The following TMEM25 variants were observed in gnomAD, a reference collection of about 807,000 sequenced individuals.
TMEM25 encodes the protein transmembrane protein 25, also known as 0610039J01Rik.
In TMEM25, 36 loss-of-function variants were observed where a neutral mutation model predicts 37.0. The ratio of observed to expected loss-of-function variants is 0.97; its 90% CI spans 0.75 to 1.28. The LOEUF is 1.28. TMEM25 is among the 50% of genes most tolerant of loss of function. The pLI is 0.00. For missense variants in TMEM25, 444 were observed against 477.9 expected, an observed-to-expected ratio of 0.93 and a Z score of 0.66; for synonymous variants, 197 against 203.7, an observed-to-expected ratio of 0.97 and a Z score of 0.28.
At chr11:118,545,326 G>A in intron 8 of TMEM25, 1 of 1,007,316 alleles carries the variant, frequency 9.9e-7, no homozygotes, top group South Asian at 1.4e-5. Context: ...ATCGCTATAG[G>A]ATGCAATCAC....
downstream of TMEM25, among the ~76,000 whole-genome samples, chr11:118,540,173 A>G (rs1193818458): frequency 6.6e-6 from 1 of 151,420 alleles, no homozygotes; most frequent in Non-Finnish European, 1.5e-5. Context: ...GCAGTGGCGC[A>G]ATCTCGGCTC....
At chr11:118,546,302 A>G in exon 9 of TMEM25, 1 of 618,574 alleles carries the variant, frequency 1.6e-6, no homozygotes, top group Non-Finnish European at 2.9e-6. Context: ...GTTCGAGACC[A>G]GCCTGGGCAA....
Position 118,535,139 on chromosome 11 carries a change from C to T in TMEM25, c.*559C>T, listed in dbSNP as rs1951474832. On this transcript the variant is annotated 3_prime_UTR_variant, in exon 9 of 9. Transcript: ENST00000313236. ...CCCAGCGGTACCGGCCAAGCACAAA[C>T]GTCCTTTTTGCTGCACACGTCTCTG... 3 of 1,025,582 alleles carry T rather than the reference C, an allele frequency of 2.9e-6. No homozygotes were observed. The highest frequency in any genetic ancestry group is 1.7e-5 in the African/African-American group (1 of 58,568). 63.5% of individuals were successfully genotyped at this position (1,025,582 alleles called of 1,614,324 possible). A position where few individuals can be genotyped will look rare whatever the true frequency, so the allele number is the denominator to read the frequency against.
chr11:118,542,564 T>C (rs1373785779), intron 8 of TMEM25, among the ~76,000 whole-genome samples: 1 of 151,188 alleles, frequency 6.6e-6, no homozygotes, highest in African/African-American at 2.4e-5. Context: ...AGGCCAGGAG[T>C]TGGAGACCAG....
chr11:118,541,475 A>AGAAAAG (rs1555065357), intron 8 of TMEM25, among the ~76,000 whole-genome samples: 11 of 137,334 alleles, frequency 8.0e-5, no homozygotes, highest in African/African-American at 2.8e-4. Flanking sequence ...AAAAAAAAAA[A>AGAAAAG]AAAAGAAAAA....
At position 118,534,800 on chromosome 11, in the gene TMEM25, CG is replaced by C; in HGVS notation, c.*221del. ...ATCTTTGGCAAGGCTACCAGTTGGA[CG>C]TAAGCCCCTCATGCTGACTCAGGGT... On this transcript the variant is annotated 3_prime_UTR_variant, in exon 9 of 9. Coordinates refer to ENST00000313236, the MANE Select transcript of TMEM25 (RefSeq NM_032780.4). The surrounding 1 kb of genome is among the most constrained non-coding windows in gnomAD (Gnocchi z 4.6). 7.2e-7 allele frequency: 1 copy of C among 1,396,528 alleles called. No individual in the cohort carries two copies. The highest frequency in any genetic ancestry group is 9.3e-7 in the Non-Finnish European group (1 of 1,074,764). The allele number at this position is 1,396,528 out of a possible 1,614,324, so 86.5% of individuals were successfully genotyped here.
chr11:118,534,556 G>A lies in TMEM25; in HGVS notation c.1077G>A (p.Val359=). The change falls in exon 9 of 9, where the codon GTG becomes GTA. Residue 359 remains valine (V), a synonymous_variant. Transcript: ENST00000313236. The surrounding 1 kb of genome is among the most constrained non-coding windows in gnomAD (Gnocchi z 4.6). ...VLGYIYRVSS[V]SSDEIWL ...GCTATATCTATCGAGTGTCCAGCGT[G>A]AGCAGTGATGAGATCTGGCTCTGAG... is the stretch of plus-strand genomic sequence containing the variant. 3 of 1,614,176 alleles carry A rather than the reference G, an allele frequency of 1.9e-6. No homozygotes were observed. Among genetic ancestry groups the A allele is most frequent in the South Asian group, 1.1e-5 (1 of 91,072 alleles).
intron 1 of TMEM25, 137 bp downstream of exon 1, chr11:118,531,371 A>C: frequency 3.0e-6 from 1 of 338,842 alleles, no homozygotes; most frequent in Non-Finnish European, 5.5e-6. Flanking sequence ...GGGAGAGAGA[A>C]CAGGGCAGGA....
rs377226923 is a variant in TMEM25 at position 118,534,308 on chromosome 11, G to T, written c.980G>T (p.Arg327Leu). 1.2e-6 allele frequency: 2 copies of T among 1,614,140 alleles called. No individual in the cohort carries two copies. The highest frequency in any genetic ancestry group is 1.1e-5 in the South Asian group (1 of 91,068). The change falls in exon 8 of 9, where the codon CGG becomes CTG. Residue 327 changes from arginine (R) to leucine (L), a missense_variant. Physicochemically the swap from Arg to Leu is moderately radical, Grantham distance 102. Coordinates refer to ENST00000313236, the MANE Select transcript of TMEM25 (RefSeq NM_032780.4). The surrounding 1 kb of genome is among the most constrained non-coding windows in gnomAD (Gnocchi z 4.6). ...CGGCAGATGGCTCAGAACAACAGCC[G>T]GCCAGAGCTTCTGGACCCGGAGCCC... ...ADRQMAQNNSRPELLDPEPGG... is the reference protein window; with the variant it reads ...ADRQMAQNNSLPELLDPEPGG...
rs35217372 is a variant in TMEM25, at chr11:118,543,809, CT to C, written c.1028-2295del. 7.0e-3 allele frequency among the ~76,000 whole-genome samples: 934 copies of C among 133,094 alleles called. 4 individuals carry two copies. The highest frequency in any genetic ancestry group is 0.015 in the African/African-American group (527 of 36,164). The allele number at this position is 133,094 out of a possible 152,430, so 87.3% of individuals were successfully genotyped here. A position where few individuals can be genotyped will look rare whatever the true frequency, so the allele number is the denominator to read the frequency against. On this transcript the variant is annotated intron_variant, in intron 8 of 8. Transcript: ENST00000354284. ...GCCAATTCCCCATATTAAACACCCC[CT>C]TTTTTTTTTTTTTTGAGATGCAGTT...
chr11:118,533,828 A>T lies in TMEM25; in HGVS notation c.806-29A>T, dbSNP rs186720449. Reference sequence around the variant, plus strand: ...GCCCAGCGTGGGAGGGCACACTGAGAATTAGGGACATGGTTTCTTTCTCCA... The same window carrying T: ...GCCCAGCGTGGGAGGGCACACTGAGTATTAGGGACATGGTTTCTTTCTCCA... On this transcript the variant is annotated intron_variant, in intron 5 of 8. Coordinates refer to ENST00000313236, the MANE Select transcript of TMEM25 (RefSeq NM_032780.4). The T allele has an allele frequency of 1.1e-5, 17 of 1,613,832 alleles. No individual in the cohort carries two copies. The East Asian group carries it at 3.6e-4, about 34-fold the overall frequency.
chr11:118,536,198 CT>C (rs1158700334), downstream of TMEM25, among the ~76,000 whole-genome samples: 153 of 137,416 alleles, frequency 1.1e-3, no homozygotes, highest in Admixed American at 1.1e-3. Context: ...CTTTTCTTTT[CT>C]TTTTTTTTTT....
chr11:118,532,370 T>G lies in TMEM25; in HGVS notation c.291T>G (p.Thr97=). 6.2e-7 allele frequency: 1 copy of G among 1,612,628 alleles called. No homozygotes were observed. Among genetic ancestry groups the G allele is most frequent in the Non-Finnish European group, 8.5e-7 (1 of 1,179,328 alleles). Residue 97 remains threonine, a synonymous_variant, in exon 3 of 9, where the codon ACT becomes ACG. Coordinates refer to ENST00000313236, the MANE Select transcript of TMEM25 (RefSeq NM_032780.4). ...GAGGCACCAGCACCTTCACTGTCAC[T>G]GCCCATCGGGCCCAGCATGAGCTCA... ...FSGGTSTFTV[T]AHRAQHELNC... is the part of the protein sequence containing the mutation.
At chr11:118,545,849 C>T in intron 8 of TMEM25, 1 of 1,614,126 alleles carries the variant, frequency 6.2e-7, no homozygotes, top group Non-Finnish European at 8.5e-7. Context: ...CGTGGGCAGG[C>T]TTACCTGGAA....
chr11:118,547,033 G>T (rs1951703613), downstream of TMEM25: 1 of 152,146 alleles, frequency 6.6e-6, no homozygotes, highest in East Asian at 1.9e-4. Context: ...TCATATTAGA[G>T]CAAAATAAGG....
chr11:118,535,110 C>A lies in TMEM25; in HGVS notation c.*530C>A. The A allele has an allele frequency of 2.9e-6, 3 of 1,018,468 alleles. No individual in the cohort carries two copies. In the South Asian group the frequency reaches 1.3e-4, roughly 44 times the overall value. 63.1% of individuals were successfully genotyped at this position (1,018,468 alleles called of 1,614,324 possible). A position where few individuals can be genotyped will look rare whatever the true frequency, so the allele number is the denominator to read the frequency against. On this transcript the variant is annotated 3_prime_UTR_variant, in exon 9 of 9. Coordinates refer to ENST00000313236, the MANE Select transcript of TMEM25 (RefSeq NM_032780.4). ...TTGCCCTTTGCACAGAAACCAACCCCTGACCCAGCGGTACCGGCCAAGCAC... is the reference window on the plus strand; with the variant it reads ...TTGCCCTTTGCACAGAAACCAACCCATGACCCAGCGGTACCGGCCAAGCAC...
downstream of TMEM25, among the ~76,000 whole-genome samples, chr11:118,540,105 T>C (rs1555064957): frequency 6.6e-6 from 1 of 151,634 alleles, no homozygotes; most frequent in African/African-American, 2.4e-5. Flanking sequence ...CGCAGATTTA[T>C]CTTCTGGTTT....
chr11:118,531,564 T>C (rs1241330853), intron 1 of TMEM25: 8 of 570,488 alleles, frequency 1.4e-5, no homozygotes. Context: ...GAGTCAGTGC[T>C]CGCTTCTGCG....
At chr11:118,546,183 CAAG>C (rs1555067106) in exon 9 of TMEM25, 2 of 718,148 alleles carry the variant, frequency 2.8e-6, no homozygotes, top group South Asian at 3.0e-5. Context: ...AGAAGATGGC[CAAG>C]AAGAGACCCC....
Sources: allele counts gnomAD v4.1 joint callset (sites outside exome capture counted in the v4.1 genomes callset), GRCh38; gene constraint gnomAD v4.1.1; non-coding constraint Gnocchi (gnomAD v3.1); transcripts MANE v1.5; gene names NCBI Gene and HGNC (gene_info 2026-07-23, HGNC 2026-07-21).